The following RXFP1 variants were observed in gnomAD, a reference collection of about 807,000 sequenced individuals.
RXFP1 encodes the protein relaxin receptor 1.
RXFP1 carries 73 observed loss-of-function variants against 89.8 expected under a neutral mutation model. The observed-to-expected ratio is 0.81, with a 90% CI of 0.67 to 0.99. RXFP1 has a LOEUF of 0.99. RXFP1 is among the 50% of genes least tolerant of loss of function. RXFP1 has a pLI of 0.00. For synonymous variants in RXFP1, 277 were observed against 305.5 expected (o/e 0.91, Z 0.97); for missense variants, 793 against 895.5 (o/e 0.89, Z 1.46).
intron 2 of RXFP1, among the ~76,000 whole-genome samples, chr4:158,574,579 T>C (rs1356895576): frequency 6.6e-6 from 1 of 152,256 alleles, no homozygotes; most frequent in Non-Finnish European, 1.5e-5. Flanking sequence ...CCCGTTGTAA[T>C]AACCAGTCAT....
At chr4:158,624,434 T>C (rs1025411347) in intron 9 of RXFP1, among the ~76,000 whole-genome samples, 1 of 152,134 alleles carries the variant, frequency 6.6e-6, no homozygotes, top group Non-Finnish European at 1.5e-5. Context: ...TTATAGTCTT[T>C]GTCTTTTGTT....
chr4:158,613,894 C>T (rs898341576), intron 8 of RXFP1, among the ~76,000 whole-genome samples: 1 of 152,186 alleles, frequency 6.6e-6, no homozygotes, highest in Admixed American at 6.5e-5. Context: ...ACAAAATGTA[C>T]ATCTTAAATA....
chr4:158,565,107 T>C (rs1250791825), intron 1 of RXFP1, among the ~76,000 whole-genome samples: 2 of 152,126 alleles, frequency 1.3e-5, no homozygotes, highest in Admixed American at 6.5e-5. Flanking sequence ...GGGAGAGTGC[T>C]CATGTAAGTG....
At chr4:158,572,879 A>G (rs761585791) in intron 2 of RXFP1, 44 bp downstream of exon 2, 2 of 1,598,156 alleles carry the variant, frequency 1.3e-6, no homozygotes, top group African/African-American at 1.3e-5. Flanking sequence ...AGGAGCAGAA[A>G]GGACTGAAGG....
At position 158,648,954 on chromosome 4, in the gene RXFP1, A is replaced by C. The variant is rs143976221; in HGVS notation, c.1975+237A>C. Among the ~76,000 whole-genome samples, 1,323 of 152,306 alleles carry C rather than the reference A, an allele frequency of 8.7e-3. 12 individuals carry two copies. Among genetic ancestry groups the C allele is most frequent in the African/African-American group, 0.03 (1,232 of 41,564 alleles). On this transcript the variant is annotated intron_variant, in intron 17 of 17. Transcript: ENST00000307765. ...ATGGGGAAACCCCATCTCTGCTAAA[A>C]ATACAAAAACTAGCTGGGCATGGTG...
At chr4:158,538,510 T>A (rs926476992) in intron 1 of RXFP1, among the ~76,000 whole-genome samples, 11 of 152,258 alleles carry the variant, frequency 7.2e-5, no homozygotes, top group African/African-American at 2.6e-4. Flanking sequence ...AAGGCATTTT[T>A]TTTGTGGGGA....
chr4:158,573,430 C>G (rs1014663188), intron 2 of RXFP1, among the ~76,000 whole-genome samples: 3 of 152,104 alleles, frequency 2.0e-5, no homozygotes, highest in African/African-American at 7.2e-5. Context: ...GCATGCGGCC[C>G]GGGATGGCTT....
intron 1 of RXFP1, among the ~76,000 whole-genome samples, chr4:158,546,881 G>C (rs556276131): frequency 1.5e-3 from 230 of 152,284 alleles, no homozygotes; most frequent in African/African-American, 4.2e-3. Context: ...TTGCATCAAT[G>C]TTCATCAAGG....
rs759506583 is a variant in RXFP1 at position 158,609,630 on chromosome 4, G to A, written c.536+1587G>A. On this transcript the variant is annotated intron_variant, in intron 6 of 17. Coordinates refer to ENST00000307765, the MANE Select transcript of RXFP1 (RefSeq NM_021634.4). ...TGGTATCAGAGTTTGGGATTGAGTCGAGAAGAGCACCTAGTAATTTACTAG... is the reference window on the plus strand; with the variant it reads ...TGGTATCAGAGTTTGGGATTGAGTCAAGAAGAGCACCTAGTAATTTACTAG... Among the ~76,000 whole-genome samples the A allele has an allele frequency of 1.1e-4, 16 of 152,232 alleles. No individual in the cohort carries two copies. The South Asian group carries it at 1.5e-3, about 14-fold the overall frequency.
At chr4:158,621,021 C>T (rs1366185707) in intron 9 of RXFP1, among the ~76,000 whole-genome samples, 3 of 151,916 alleles carry the variant, frequency 2.0e-5, no homozygotes, top group Admixed American at 2.0e-4. Flanking sequence ...ACTTGTAATC[C>T]CAGCTACTCG....
At chr4:158,580,270 T>A (rs897496233) in intron 2 of RXFP1, among the ~76,000 whole-genome samples, 3 of 152,176 alleles carry the variant, frequency 2.0e-5, no homozygotes, top group South Asian at 2.1e-4. Context: ...GAGCTCTAGG[T>A]CTGGATTGGT....
At chr4:158,591,089 T>C (rs1377426346) in intron 2 of RXFP1, among the ~76,000 whole-genome samples, 4 of 151,882 alleles carry the variant, frequency 2.6e-5, no homozygotes, top group Non-Finnish European at 5.9e-5. Flanking sequence ...CTCACAAGAG[T>C]GCGTCCAATT....
chr4:158,632,050 A>T (rs749242613), intron 11 of RXFP1, among the ~76,000 whole-genome samples: 3 of 152,194 alleles, frequency 2.0e-5, no homozygotes, highest in Non-Finnish European at 2.9e-5. Context: ...CGTTTGTGCC[A>T]CTGCACTCAC....
At chr4:158,585,516 C>A (rs906647096) in intron 2 of RXFP1, among the ~76,000 whole-genome samples, 2 of 152,050 alleles carry the variant, frequency 1.3e-5, no homozygotes, top group African/African-American at 4.8e-5. Context: ...ATTGGTATGC[C>A]TCACCCACTT....
Position 158,650,966 on chromosome 4 carries a change from A to C in RXFP1, c.1976-791A>C, listed in dbSNP as rs541725476. ...ACCCCAACTCTTCAAAAAATAAAAA[A>C]ATAAAAAATTAACCAGGCATGGTGG... On this transcript the variant is annotated intron_variant, in intron 17 of 17. Transcript: ENST00000307765. Among the ~76,000 whole-genome samples the C allele has an allele frequency of 3.9e-5, 6 of 152,216 alleles. No homozygotes were observed. In the South Asian group the frequency reaches 8.3e-4, roughly 21 times the overall value.
chr4:158,552,007 T>C (rs1219701564), intron 1 of RXFP1, among the ~76,000 whole-genome samples: 1 of 152,076 alleles, frequency 6.6e-6, no homozygotes, highest in East Asian at 1.9e-4. Flanking sequence ...GAAAAGTATA[T>C]TGAGACCAGT....
At chr4:158,522,171 T>C in intron 1 of RXFP1, 146 bp downstream of exon 1, 1 of 586,874 alleles carries the variant, frequency 1.7e-6, no homozygotes, top group Non-Finnish European at 3.0e-6. Context: ...TTGTTCTTCT[T>C]AGTATATGTC....
rs149246165 is a variant in RXFP1, at chr4:158,590,581, C to A, written c.188-2820C>A. 7.1e-3 allele frequency among the ~76,000 whole-genome samples: 1,074 copies of A among 152,324 alleles called. 13 individuals are homozygous for A. The highest frequency in any genetic ancestry group is 0.023 in the African/African-American group (956 of 41,576). On this transcript the variant is annotated intron_variant, in intron 2 of 17. Coordinates refer to ENST00000307765, the MANE Select transcript of RXFP1 (RefSeq NM_021634.4). ...AAGAACTTTGCCAGAGTCTAGCCTT[C>A]TAACAGACACATCATTCCAGGAAGC...
At chr4:158,626,005 A>C (rs1320238832) in intron 9 of RXFP1, among the ~76,000 whole-genome samples, 1 of 152,074 alleles carries the variant, frequency 6.6e-6, no homozygotes, top group Admixed American at 6.6e-5. Flanking sequence ...AGACAGTAAA[A>C]CATAAAAATT....
Sources: allele counts gnomAD v4.1 joint callset (sites outside exome capture counted in the v4.1 genomes callset), GRCh38; gene constraint gnomAD v4.1.1; transcripts MANE v1.5; gene names NCBI Gene and HGNC (gene_info 2026-07-23, HGNC 2026-07-21).